The following TRPS1 variants were observed in gnomAD, a reference collection of about 807,000 sequenced individuals.
TRPS1 encodes the protein zinc finger transcription factor Trps1.
Under a neutral mutation model 101.2 loss-of-function variants are expected in TRPS1, and 6 were observed. The observed-to-expected ratio is 0.06, with a 90% CI of 0.03 to 0.12. The LOEUF is 0.12. Among genes scored for constraint, TRPS1 ranks in the 10% least tolerant of loss-of-function variants. TRPS1 has a pLI of 1.00. For synonymous variants in TRPS1, 578 were observed against 589.8 expected (o/e 0.98, Z 0.29); for missense variants, 1,363 against 1,567.0 (o/e 0.87, Z 2.20).
At position 115,668,078 on chromosome 8, in the gene TRPS1, C is replaced by CT. The variant is rs1274217306; in HGVS notation, c.-122+466dup. 2.4e-5 allele frequency: 15 copies of CT among 630,012 alleles called. No individual in the cohort carries two copies. In the East Asian group the frequency reaches 3.6e-4, roughly 15 times the overall value. 39.0% of individuals were successfully genotyped at this position (630,012 alleles called of 1,614,324 possible). ...GGGAGGGGGCACCGGCCTGAAACTTCTTTTTTTGGCAAATGGGGATTTGTT... is the reference window on the plus strand; with the variant it reads ...GGGAGGGGGCACCGGCCTGAAACTTCTTTTTTTTGGCAAATGGGGATTTGTT... On this transcript the variant is annotated intron_variant, in intron 1 of 6. Coordinates refer to ENST00000395715, the MANE Select transcript of TRPS1 (RefSeq NM_014112.5).
chr8:115,595,859 G>A lies in TRPS1; in HGVS notation c.2096+8014C>T, dbSNP rs931547652. On this transcript the variant is annotated intron_variant, in intron 4 of 6. Transcript: ENST00000395715. ...AAATAAAGGTAATATTGCTTTGTGA[G>A]GTTTTATTTGTTTGTTTGTTTGTTT... Among the ~76,000 whole-genome samples the A allele has an allele frequency of 5.3e-5, 8 of 151,520 alleles. No homozygotes were observed. In the Admixed American group the frequency reaches 5.3e-4, roughly 10 times the overall value.
At chr8:115,506,628 T>G (rs1311690666) in intron 5 of TRPS1, among the ~76,000 whole-genome samples, 1 of 152,114 alleles carries the variant, frequency 6.6e-6, no homozygotes, top group East Asian at 1.9e-4. Flanking sequence ...TATTACTAGT[T>G]AAATTCAAAG....
chr8:115,546,023 T>A (rs1386170278), intron 5 of TRPS1, among the ~76,000 whole-genome samples: 1 of 152,128 alleles, frequency 6.6e-6, no homozygotes, highest in Non-Finnish European at 1.5e-5. Flanking sequence ...TTAATTATTA[T>A]CATCCCTCAC....
chr8:115,457,516 A>C (rs1814060480), intron 5 of TRPS1, among the ~76,000 whole-genome samples: 1 of 152,158 alleles, frequency 6.6e-6, no homozygotes, highest in Non-Finnish European at 1.5e-5. Flanking sequence ...AGAAGATCAG[A>C]GTTCTGGAGA....
intron 5 of TRPS1, among the ~76,000 whole-genome samples, chr8:115,579,470 A>G (rs754273804): frequency 2.0e-5 from 3 of 152,138 alleles, no homozygotes; most frequent in Non-Finnish European, 4.4e-5. Flanking sequence ...ATGTAACACT[A>G]CAGGCAAATG....
intron 5 of TRPS1, among the ~76,000 whole-genome samples, chr8:115,572,443 T>C (rs1817226001): frequency 1.3e-5 from 1 of 76,156 alleles, no homozygotes; most frequent in Non-Finnish European, 2.2e-5. Flanking sequence ...TTCTACAACA[T>C]TTTGCTATTT....
chr8:115,533,926 A>G (rs1486848583), intron 5 of TRPS1, among the ~76,000 whole-genome samples: 1 of 152,138 alleles, frequency 6.6e-6, no homozygotes, highest in Non-Finnish European at 1.5e-5. Flanking sequence ...CCATCAGACC[A>G]GGTCCCTTAT....
intron 5 of TRPS1, among the ~76,000 whole-genome samples, chr8:115,586,627 C>A (rs908707612): frequency 2.0e-5 from 3 of 152,198 alleles, no homozygotes; most frequent in Admixed American, 2.0e-4. Context: ...ATTGTCATAG[C>A]AGCCTAAAAT....
At chr8:115,454,235 TTGAG>T (rs746972402) in intron 5 of TRPS1, among the ~76,000 whole-genome samples, 16 of 152,310 alleles carry the variant, frequency 1.1e-4, no homozygotes, top group Non-Finnish European at 1.9e-4. Flanking sequence ...ATACCGTATT[TTGAG>T]TATCACCCTG....
chr8:115,435,782 A>G (rs143988219), intron 5 of TRPS1, among the ~76,000 whole-genome samples: 5 of 152,292 alleles, frequency 3.3e-5, no homozygotes, highest in African/African-American at 9.6e-5. Context: ...CTCACTTGAT[A>G]TAAGTTCTGG....
At chr8:115,633,993 C>T (rs1818710545) in intron 1 of TRPS1, among the ~76,000 whole-genome samples, 2 of 151,314 alleles carry the variant, frequency 1.3e-5, no homozygotes. Flanking sequence ...CTAATGTGTA[C>T]TAGCAACTAA....
At chr8:115,498,367 G>A (rs1444200993) in intron 5 of TRPS1, among the ~76,000 whole-genome samples, 1 of 102,254 alleles carries the variant, frequency 9.8e-6, no homozygotes, top group East Asian at 4.0e-4. Context: ...AACAAAGAGA[G>A]AGCCCGTCTC....
At chr8:115,455,504 T>C (rs1291615242) in intron 5 of TRPS1, among the ~76,000 whole-genome samples, 3 of 152,134 alleles carry the variant, frequency 2.0e-5, no homozygotes, top group African/African-American at 7.2e-5. Context: ...AGTCTAAGGA[T>C]TTAGACTCAT....
intron 1 of TRPS1, among the ~76,000 whole-genome samples, chr8:115,660,695 G>T (rs556329642): frequency 1.3e-5 from 2 of 151,450 alleles, no homozygotes; most frequent in African/African-American, 2.4e-5. Context: ...TAGACAAATA[G>T]CTAACAATAA....
At chr8:115,422,044 C>G (rs1026740801) in intron 5 of TRPS1, among the ~76,000 whole-genome samples, 4 of 152,188 alleles carry the variant, frequency 2.6e-5, no homozygotes, top group Non-Finnish European at 4.4e-5. Context: ...TTTTAAAATA[C>G]TTTGTCACTC....
chr8:115,451,730 G>C (rs1813877742), intron 5 of TRPS1, among the ~76,000 whole-genome samples: 1 of 152,150 alleles, frequency 6.6e-6, no homozygotes, highest in African/African-American at 2.4e-5. Flanking sequence ...AGCCTGGTGG[G>C]GTATCGTTCG....
chr8:115,460,110 T>C (rs1455736008), intron 5 of TRPS1, among the ~76,000 whole-genome samples: 1 of 152,180 alleles, frequency 6.6e-6, no homozygotes. Flanking sequence ...CTCTTTTTTG[T>C]TACTGATATA....
Position 115,418,469 on chromosome 8 carries a change from A to T in TRPS1, c.2701-17T>A, listed in dbSNP as rs1041231589. Reference sequence around the variant, plus strand: ...TCTACGCCTCTGAAACAGGGGAAAAAAACCAAGGTCAGAGGTGAGTCACAT... The same window carrying T: ...TCTACGCCTCTGAAACAGGGGAAAATAACCAAGGTCAGAGGTGAGTCACAT... On this transcript the variant is annotated splice_polypyrimidine_tract_variant and intron_variant, in intron 5 of 6. Transcript: ENST00000395715. The surrounding 1 kb of genome is among the most constrained non-coding windows in gnomAD (Gnocchi z 4.3). 3.7e-6 allele frequency: 6 copies of T among 1,614,112 alleles called. No individual in the cohort carries two copies. Among genetic ancestry groups the T allele is most frequent in the Non-Finnish European group, 5.1e-6 (6 of 1,179,976 alleles).
intron 4 of TRPS1, among the ~76,000 whole-genome samples, chr8:115,588,011 T>C (rs1305684305): frequency 6.6e-6 from 1 of 152,238 alleles, no homozygotes; most frequent in African/African-American, 2.4e-5. Context: ...AATCATGAAT[T>C]ATATCATTTA....
Sources: allele counts gnomAD v4.1 joint callset (sites outside exome capture counted in the v4.1 genomes callset), GRCh38; gene constraint gnomAD v4.1.1; non-coding constraint Gnocchi (gnomAD v3.1); transcripts MANE v1.5; gene names NCBI Gene and HGNC (gene_info 2026-07-23, HGNC 2026-07-21).